VPS13C: variants seen among roughly 807,000 people sequenced by gnomAD.
VPS13C encodes vacuolar protein sorting 13 homolog C, also known as intermembrane lipid transfer protein VPS13C.
Under a neutral mutation model 456.8 loss-of-function variants are expected in VPS13C, and 358 were observed. The observed-to-expected ratio is 0.78, with a 90% confidence interval of 0.72 to 0.86. The LOEUF (loss-of-function observed/expected upper bound fraction) is 0.86. Ranked by LOEUF, VPS13C falls within the 40% of genes least tolerant of loss-of-function variation. VPS13C has a pLI of 0.00. For missense variants in VPS13C, 4,818 were observed against 4,385.4 expected (o/e 1.10, Z -2.79); for synonymous variants, 1,578 against 1,486.7 (o/e 1.06, Z -1.41).
At chr15:62,039,499 A>C (rs1375254702) in intron 3 of VPS13C, among the ~76,000 whole-genome samples, 1 of 152,094 alleles carries the variant, frequency 6.6e-6, no homozygotes, top group African/African-American at 2.4e-5. Flanking sequence ...AAGGAACTCA[A>C]ACAACTCTAT....
At chr15:62,032,270 T>C (rs1002341068) in intron 5 of VPS13C, among the ~76,000 whole-genome samples, 2 of 151,708 alleles carry the variant, frequency 1.3e-5, no homozygotes, top group Non-Finnish European at 3.0e-5. Context: ...AAAATCACAA[T>C]TGTCATGAAA....
intron 66 of VPS13C, among the ~76,000 whole-genome samples, chr15:61,896,496 G>C (rs529568356): frequency 3.3e-5 from 5 of 151,960 alleles, no homozygotes; most frequent in Admixed American, 1.3e-4. Flanking sequence ...TGACGGACGG[G>C]ACCTGGAAAA....
chr15:62,027,365 C>T (rs370229128), intron 6 of VPS13C, among the ~76,000 whole-genome samples: 1 of 152,064 alleles, frequency 6.6e-6, no homozygotes, highest in Non-Finnish European at 1.5e-5. Context: ...CAAAACCAGA[C>T]AGTGAGCCAT....
intron 9 of VPS13C, 53 bp from the exon 10 acceptor site, chr15:62,014,045 C>T (rs117929248): frequency 0.039 from 51,070 of 1,322,160 alleles, 1,151 homozygotes; most frequent in Non-Finnish European, 0.046. Flanking sequence ...TCATTAATAG[C>T]GCTCTAATAC....
chr15:62,001,854 T>A (rs1185213295), intron 15 of VPS13C, among the ~76,000 whole-genome samples: 1 of 152,234 alleles, frequency 6.6e-6, no homozygotes, highest in East Asian at 1.9e-4. Flanking sequence ...GAACTCATCA[T>A]TTTTTATGAC....
intron 67 of VPS13C, among the ~76,000 whole-genome samples, chr15:61,885,727 A>C (rs72747868): frequency 0.071 from 10,816 of 152,070 alleles, 603 homozygotes; most frequent in East Asian, 0.21. Flanking sequence ...TGTCCAACTA[A>C]GTCTTTTTCT....
Position 61,878,659 on chromosome 15 carries a change from G to A in VPS13C, c.10090C>T (p.Leu3364=), listed in dbSNP as rs759394175. The A allele has an allele frequency of 6.2e-7, 1 of 1,611,504 alleles. No homozygotes were observed. Among genetic ancestry groups the A allele is most frequent in the South Asian group, 1.1e-5 (1 of 90,916 alleles). ...AGAGTAGCACCTATGCTTTTCAACA[G>A]CAAGTTGACAGAATGAACTGCAAAC... The part of the protein sequence containing the change: ...EMFAVHSVNL[L]LKSIGATLTD... Residue 3364 remains leucine, a synonymous_variant, in exon 74 of 85, where the codon CTG becomes TTG. Coordinates refer to ENST00000644861, the MANE Select transcript of VPS13C (RefSeq NM_020821.3).
In VPS13C at chr15:61,919,466, G is replaced by A; in HGVS notation, c.7478-17C>T. The A allele has an allele frequency of 2.0e-6, 3 of 1,479,438 alleles. No individual in the cohort carries two copies. Among genetic ancestry groups the A allele is most frequent in the Non-Finnish European group, 2.7e-6 (3 of 1,116,944 alleles). The allele number at this position is 1,479,438 out of a possible 1,614,324, so 91.6% of individuals were successfully genotyped here. A position where few individuals can be genotyped will look rare whatever the true frequency, so the allele number is the denominator to read the frequency against. ...CATGAGGTACTAAGGCAGTGCATAA[G>A]TGAAAAGAATTCCAAATATTAATTT... is the stretch of plus-strand genomic sequence containing the variant. On this transcript the variant is annotated splice_polypyrimidine_tract_variant and intron_variant, in intron 57 of 84. Coordinates refer to ENST00000644861, the MANE Select transcript of VPS13C (RefSeq NM_020821.3).
At position 62,028,368 on chromosome 15, in the gene VPS13C, G is replaced by A; in HGVS notation, c.438C>T (p.Asp146=). The A allele has an allele frequency of 6.2e-7, 1 of 1,612,910 alleles. No homozygotes were observed. Among genetic ancestry groups the A allele is most frequent in the Non-Finnish European group, 8.5e-7 (1 of 1,179,246 alleles). Residue 146 remains aspartate, a synonymous_variant, in exon 6 of 85, where the codon GAC becomes GAT. Coordinates refer to ENST00000644861, the MANE Select transcript of VPS13C (RefSeq NM_020821.3). ...IYGLENFVYK[D]IKPGRKRKKH... The stretch of plus-strand genomic sequence containing the variant: ...ACCATGCATACCCACCAGGCTTGAT[G>A]TCCTTGTAAACAAAGTTCTCCAAGC...
In VPS13C at chr15:61,930,789, T is replaced by A. The variant is rs1255933160; in HGVS notation, c.6038+301A>T. ...AAAACAAAATTCTGCCTACTGGGAA[T>A]AATTTAGAAAAATACATCACCAAAT... On this transcript the variant is annotated intron_variant, in intron 50 of 84. Coordinates refer to ENST00000644861, the MANE Select transcript of VPS13C (RefSeq NM_020821.3). Among the ~76,000 whole-genome samples the A allele has an allele frequency of 2.6e-5, 4 of 152,234 alleles. No individual in the cohort carries two copies. In the East Asian group the frequency reaches 7.7e-4, roughly 29 times the overall value.
At chr15:61,913,142 A>G (rs1348202854) in intron 62 of VPS13C, among the ~76,000 whole-genome samples, 169 bp downstream of exon 62, 1 of 151,604 alleles carries the variant, frequency 6.6e-6, no homozygotes, top group African/African-American at 2.4e-5. Context: ...AGGGATCTAG[A>G]ACTAGAAATA....
chr15:61,865,539 T>C (rs563295014), intron 81 of VPS13C: 6 of 909,708 alleles, frequency 6.6e-6, no homozygotes, highest in South Asian at 5.1e-5. Flanking sequence ...AATGTATGTA[T>C]ATATGTATGT....
intron 81 of VPS13C, chr15:61,866,393 A>G: frequency 1.0e-6 from 1 of 983,490 alleles, no homozygotes; most frequent in African/African-American, 1.7e-5. Context: ...ATAAAAAGAT[A>G]TCACAAGGAA....
chr15:61,932,428 C>T (rs1338708123), intron 49 of VPS13C, among the ~76,000 whole-genome samples: 1 of 151,682 alleles, frequency 6.6e-6, no homozygotes, highest in Non-Finnish European at 1.5e-5. Flanking sequence ...TCTCAAATCC[C>T]AAACTAAATA....
At chr15:62,015,287 C>A (rs775563426) in intron 9 of VPS13C, among the ~76,000 whole-genome samples, 1 of 152,092 alleles carries the variant, frequency 6.6e-6, no homozygotes, top group Non-Finnish European at 1.5e-5. Flanking sequence ...AAACTAGTTT[C>A]CTCCCATGTT....
rs774352026 is a variant in VPS13C, at chr15:61,920,511, T to C, written c.7199A>G (p.Asn2400Ser). The change falls in exon 56 of 85, where the codon AAC becomes AGC. Residue 2400 changes from asparagine to serine, a missense_variant. Asn to Ser is a conservative substitution (Grantham distance 46). Coordinates refer to ENST00000644861, the MANE Select transcript of VPS13C (RefSeq NM_020821.3). ...TISKSCLNVF[N>S]NLAKGFSEGT... ...ATTCAGACATACTTTTGCTAAATTGTTGAAAACATTAAGACAACTTTTGGA... is the reference window on the plus strand; with the variant it reads ...ATTCAGACATACTTTTGCTAAATTGCTGAAAACATTAAGACAACTTTTGGA... 1.3e-6 allele frequency: 2 copies of C among 1,535,602 alleles called. No homozygotes were observed. Among genetic ancestry groups the C allele is most frequent in the African/African-American group, 1.4e-5 (1 of 71,728 alleles).
chr15:61,873,631 C>A (rs1895194738), intron 77 of VPS13C, among the ~76,000 whole-genome samples: 1 of 151,692 alleles, frequency 6.6e-6, no homozygotes, highest in Admixed American at 6.6e-5. Context: ...TTATCTCACC[C>A]CAGTTAGAAT....
chr15:62,008,824 A>C (rs1467819670), intron 13 of VPS13C, 63 bp from the exon 14 acceptor site: 1 of 1,048,660 alleles, frequency 9.5e-7, no homozygotes, highest in Admixed American at 3.1e-5. Context: ...GACTAAATTT[A>C]ATTCTATTTT....
intron 1 of VPS13C, among the ~76,000 whole-genome samples, chr15:62,056,437 G>A (rs1567157214): frequency 6.6e-6 from 1 of 152,208 alleles, no homozygotes; most frequent in Non-Finnish European, 1.5e-5. Context: ...GCCCGGACAG[G>A]GCCAGCAGAA....
Sources: gnomAD v4.1 joint callset for allele counts (sites outside exome capture counted in the v4.1 genomes callset) on GRCh38, gnomAD v4.1.1 for gene constraint, MANE v1.5 for transcripts, NCBI Gene and HGNC (gene_info 2026-07-23, HGNC 2026-07-21) for gene names.